Variants in KANSL1 observed in about 807,000 individuals in gnomAD.
The protein encoded by KANSL1 is KAT8 regulatory NSL complex subunit 1, also known as MLL1/MLL complex subunit KANSL1.
A neutral mutation model predicts 103.6 loss-of-function variants in KANSL1; 22 were observed. The ratio of observed to expected loss-of-function variants is 0.21; its 90% confidence interval spans 0.15 to 0.30. KANSL1 has a LOEUF of 0.30. Ranked by LOEUF, KANSL1 falls within the 10% of genes least tolerant of loss-of-function variation. The probability of loss-of-function intolerance (pLI) is 1.00; values close to 1 mark genes in which losing one functional copy is unlikely to be tolerated. For synonymous variants in KANSL1, 600 were observed against 527.6 expected (o/e 1.14, Z -1.88); for missense variants, 1,337 against 1,399.8 (o/e 0.96, Z 0.72).
intron 1 of KANSL1, among the ~76,000 whole-genome samples, chr17:46,186,038 C>T (rs1216207153): frequency 6.6e-6 from 1 of 151,998 alleles, no homozygotes; most frequent in African/African-American, 2.4e-5. Context: ...GGTGTAAGTG[C>T]TCCTGAACAA....
At chr17:46,158,304 T>C (rs1298848792) in intron 2 of KANSL1, among the ~76,000 whole-genome samples, 1 of 152,210 alleles carries the variant, frequency 6.6e-6, no homozygotes, top group Non-Finnish European at 1.5e-5. Flanking sequence ...CTTTATTGTT[T>C]TGCTTTTTGG....
At chr17:46,059,067 A>G (rs945127753) in intron 6 of KANSL1, among the ~76,000 whole-genome samples, 1 of 150,708 alleles carries the variant, frequency 6.6e-6, no homozygotes, top group Non-Finnish European at 1.5e-5. Flanking sequence ...AAAAAGAAAG[A>G]AAGAAAAAAA....
chr17:46,044,891 A>G (rs1485333487), intron 7 of KANSL1: 1 of 152,230 alleles, frequency 6.6e-6, no homozygotes, highest in Non-Finnish European at 1.5e-5. Context: ...ACTTAAAAAA[A>G]TATCTGTCCT....
rs41437445 is a variant in KANSL1, at chr17:46,038,872, G to A, written c.2392+155C>T. ...GGGCAGAGGTTGCTGTAGCAGTTAA[G>A]AAGTGACCTCCATTTAGAAGCAGTA... On this transcript the variant is annotated intron_variant, in intron 9 of 14. Coordinates refer to ENST00000432791, the MANE Select transcript of KANSL1 (RefSeq NM_015443.4). 212,312 of 1,138,568 alleles carry A rather than the reference G, an allele frequency of 0.19. 22,946 individuals carry two copies. The highest frequency in any genetic ancestry group is 0.22 in the Non-Finnish European group (179,504 of 799,194). The allele number at this position is 1,138,568 out of a possible 1,614,324, so 70.5% of individuals were successfully genotyped here.
chr17:46,047,774 C>G (rs2077563839), intron 7 of KANSL1, among the ~76,000 whole-genome samples: 1 of 141,474 alleles, frequency 7.1e-6, no homozygotes, highest in Admixed American at 7.4e-5. Flanking sequence ...GGGCACCGAG[C>G]AAGACCCTGT....
rs2077064658 is a variant in KANSL1 at position 46,033,384 on chromosome 17, A to C, written c.2724+19T>G. 1 of 1,612,806 alleles carries C rather than the reference A, an allele frequency of 6.2e-7. No homozygotes were observed. Among genetic ancestry groups the C allele is most frequent in the Non-Finnish European group, 8.5e-7 (1 of 1,178,940 alleles). ...ATGTGTACACACGTGTTCTTCTAAC[A>C]GAAGAACCAGGCCATTACCTCTTCA... On this transcript the variant is annotated intron_variant, in intron 12 of 14. Coordinates refer to ENST00000432791, the MANE Select transcript of KANSL1 (RefSeq NM_015443.4).
chr17:46,149,352 G>C (rs1210868029), intron 2 of KANSL1, among the ~76,000 whole-genome samples: 1 of 152,176 alleles, frequency 6.6e-6, no homozygotes, highest in Non-Finnish European at 1.5e-5. Flanking sequence ...CATTTCATTT[G>C]ACAGGAAGGC....
chr17:46,067,787 C>T (rs1193061812), intron 4 of KANSL1, 120 bp from the exon 5 acceptor site: 5 of 627,000 alleles, frequency 8.0e-6, no homozygotes, highest in Non-Finnish European at 1.4e-5. Context: ...TTGAAAAACA[C>T]AACTTGAATG....
At chr17:46,146,679 A>C (rs1597795944) in intron 2 of KANSL1, among the ~76,000 whole-genome samples, 2 of 144,394 alleles carry the variant, frequency 1.4e-5, no homozygotes, top group African/African-American at 4.9e-5. Context: ...TAAAAATACA[A>C]AAAATTAGCC....
intron 2 of KANSL1, among the ~76,000 whole-genome samples, chr17:46,149,786 T>G (rs2044975001): frequency 2.0e-5 from 3 of 151,626 alleles, no homozygotes; most frequent in Admixed American, 2.0e-4. Context: ...GGCGGGTGGA[T>G]CACGAGGTCA....
chr17:46,066,764 A>G, intron 5 of KANSL1, 32 bp from the exon 6 acceptor site: 2 of 1,501,316 alleles, frequency 1.3e-6, no homozygotes, highest in Non-Finnish European at 1.8e-6. Context: ...TATTCTCAGA[A>G]CACACAAAGA....
chr17:46,215,862 G>A (rs1163760655), intron 1 of KANSL1, among the ~76,000 whole-genome samples: 1 of 150,118 alleles, frequency 6.7e-6, no homozygotes, highest in Non-Finnish European at 1.5e-5. Context: ...CCAACATGGT[G>A]AAACCCCATC....
At chr17:46,142,448 C>A (rs1339488935) in intron 2 of KANSL1, among the ~76,000 whole-genome samples, 2 of 151,990 alleles carry the variant, frequency 1.3e-5, no homozygotes. Flanking sequence ...AACCCCATCT[C>A]TACAAAGAAA....
rs1302072274 is a variant in KANSL1, at chr17:46,066,667, T to G, written c.1718A>C (p.Lys573Thr). 6.2e-7 allele frequency: 1 copy of G among 1,614,082 alleles called. No individual in the cohort carries two copies. Among genetic ancestry groups the G allele is most frequent in the African/African-American group, 1.3e-5 (1 of 74,940 alleles). Reference sequence around the variant, plus strand: ...AGAGACGAGATTCAGTCGTTGCTTCTTATGTAATTGTTCCTCAGCATCAGA... The same window carrying G: ...AGAGACGAGATTCAGTCGTTGCTTCGTATGTAATTGTTCCTCAGCATCAGA... The part of the protein sequence containing the change: ...DSSDAEEQLH[K>T]KQRLNLVSSS... Residue 573 changes from lysine (K) to threonine (T), a missense_variant, in exon 6 of 15, where the codon AAG becomes ACG. Lys to Thr is a moderately conservative substitution (Grantham distance 78). Around this residue, in one of 2 missense-constraint regions of KANSL1, gnomAD observed 780 missense variants for 923.4 expected, o/e 0.84. Coordinates refer to ENST00000432791, the MANE Select transcript of KANSL1 (RefSeq NM_015443.4).
intron 6 of KANSL1, among the ~76,000 whole-genome samples, 200 bp from the exon 7 acceptor site, chr17:46,050,904 C>CA (rs1438525639): frequency 6.6e-6 from 1 of 152,202 alleles, no homozygotes; most frequent in Non-Finnish European, 1.5e-5. Flanking sequence ...CACTGACCTT[C>CA]AAAGTGGGTA....
At chr17:46,113,978 G>A (rs1013179940) in intron 2 of KANSL1, among the ~76,000 whole-genome samples, 1 of 152,168 alleles carries the variant, frequency 6.6e-6, no homozygotes, top group African/African-American at 2.4e-5. Flanking sequence ...AGTAAAATGA[G>A]CCCAAAATGG....
intron 2 of KANSL1, among the ~76,000 whole-genome samples, chr17:46,136,902 A>G (rs2044173438): frequency 6.6e-6 from 1 of 152,214 alleles, no homozygotes; most frequent in South Asian, 2.1e-4. Context: ...ACAAAACAAA[A>G]TGTTCATGGT....
At chr17:46,162,702 C>T (rs1052258601) in intron 2 of KANSL1, among the ~76,000 whole-genome samples, 11 of 152,222 alleles carry the variant, frequency 7.2e-5, no homozygotes, top group African/African-American at 2.7e-4. Context: ...ACCTCTATTC[C>T]CCTTCTCCAC....
intron 2 of KANSL1, chr17:46,120,035 T>G (rs2043211466): frequency 6.6e-6 from 1 of 150,822 alleles, no homozygotes; most frequent in African/African-American, 2.4e-5. Flanking sequence ...CCAACACACA[T>G]GCAGAGCTTT....
Sources: gnomAD v4.1 joint callset for allele counts (sites outside exome capture counted in the v4.1 genomes callset) on GRCh38, gnomAD v4.1.1 for gene constraint, gnomAD v4.1.1 regional missense constraint, MANE v1.5 for transcripts, NCBI Gene and HGNC (gene_info 2026-07-23, HGNC 2026-07-21) for gene names.